The following NHEJ1 variants were observed in gnomAD, a reference collection of about 807,000 sequenced individuals.
NHEJ1 encodes non-homologous end-joining factor 1.
NHEJ1 carries 22 observed loss-of-function variants against 39.4 expected under a neutral mutation model. That is an observed-to-expected ratio of 0.56 (90% CI 0.40 to 0.80). The LOEUF is 0.80. Ranked by LOEUF, NHEJ1 falls within the 30% of genes least tolerant of loss-of-function variation. The probability of loss-of-function intolerance (pLI) is 0.00; values close to 1 mark genes in which losing one functional copy is unlikely to be tolerated. For synonymous variants in NHEJ1, 154 were observed against 135.6 expected, an observed-to-expected ratio of 1.14 and a Z score of -0.94; for missense variants, 329 against 357.1, an observed-to-expected ratio of 0.92 and a Z score of 0.63.
At chr2:219,114,706 C>T (rs1163430458) in intron 5 of NHEJ1, among the ~76,000 whole-genome samples, 2 of 152,154 alleles carry the variant, frequency 1.3e-5, no homozygotes, top group Non-Finnish European at 2.9e-5. Flanking sequence ...GACCAGTGCC[C>T]ATCTAATTCT....
rs1292682614 is a variant in NHEJ1 at position 219,158,188 on chromosome 2, T to C, written c.175A>G (p.Lys59Glu). The C allele has an allele frequency of 6.2e-7, 1 of 1,614,092 alleles. No homozygotes were observed. Among genetic ancestry groups the C allele is most frequent in the African/African-American group, 1.3e-5 (1 of 74,930 alleles). ...GCAGTACTTCTCCTCATACTTACCTTGGCTCGCTGGCTGACCACACTAGTG... is the reference window on the plus strand; with the variant it reads ...GCAGTACTTCTCCTCATACTTACCTCGGCTCGCTGGCTGACCACACTAGTG... ...VDTSVVSQRA[K>E]ELNKRLTAPP... The change falls in exon 2 of 8, where the codon AAG (lysine) becomes GAG (glutamate). Residue 59 changes from lysine (K) to glutamate (E), a missense_variant and splice_region_variant. By Grantham distance (56) the Lys-to-Glu change is moderately conservative (BLOSUM62 1). Coordinates refer to ENST00000356853, the MANE Select transcript of NHEJ1 (RefSeq NM_024782.3).
intron 5 of NHEJ1, among the ~76,000 whole-genome samples, chr2:219,129,897 T>C (rs1170613536): frequency 6.6e-6 from 1 of 152,150 alleles, no homozygotes; most frequent in Admixed American, 6.5e-5. Context: ...ACCAAGATGC[T>C]GTTTTTACTG....
At chr2:219,133,282 G>A (rs891514904) in intron 5 of NHEJ1, among the ~76,000 whole-genome samples, 2 of 152,222 alleles carry the variant, frequency 1.3e-5, no homozygotes, top group African/African-American at 2.4e-5. Flanking sequence ...TTGGGTATAT[G>A]GTTAAAATTA....
In NHEJ1 at chr2:219,076,377, C is replaced by A. The variant is rs751613312; in HGVS notation, c.*4G>T. On this transcript the variant is annotated 3_prime_UTR_variant, in exon 8 of 8. Coordinates refer to ENST00000356853, the MANE Select transcript of NHEJ1 (RefSeq NM_024782.3). The stretch of plus-strand genomic sequence containing the variant: ...CCATCCTCAGCAGCTGAGGCCACAA[C>A]AGATTAACTGAAGAGACCCCTTGGC... 4.2e-5 allele frequency: 68 copies of A among 1,613,938 alleles called. No individual in the cohort carries two copies. The highest frequency in any genetic ancestry group is 5.3e-5 in the Non-Finnish European group (62 of 1,179,974).
Position 219,147,769 on chromosome 2 carries a change from C to A in NHEJ1, c.417G>T (p.Leu139=). The change falls in exon 4 of 8, where the codon CTG becomes CTT. Residue 139 remains leucine (L), a synonymous_variant. Transcript: ENST00000356853. ...SLVSQHLIRP[L]MGMSLALQCQ... ...ACTGTAATGCCAGACTCATGCCCAT[C>A]AGAGGACGAATCAAATGTTGGGAGA... The A allele has an allele frequency of 6.2e-7, 1 of 1,614,158 alleles. No homozygotes were observed. The highest frequency in any genetic ancestry group is 8.5e-7 in the Non-Finnish European group (1 of 1,180,024).
chr2:219,109,224 C>T (rs1949340995), intron 5 of NHEJ1, among the ~76,000 whole-genome samples: 1 of 152,156 alleles, frequency 6.6e-6, no homozygotes. Flanking sequence ...ATTTGGGCAA[C>T]TGGATAATAT....
intron 5 of NHEJ1, among the ~76,000 whole-genome samples, chr2:219,123,563 A>T (rs771666239): frequency 1.3e-5 from 2 of 152,234 alleles, no homozygotes; most frequent in African/African-American, 4.8e-5. Flanking sequence ...ATCTACTTCT[A>T]TGTCACATGA....
chr2:219,130,868 C>T (rs1182530140), intron 5 of NHEJ1, among the ~76,000 whole-genome samples: 3 of 152,044 alleles, frequency 2.0e-5, no homozygotes, highest in Non-Finnish European at 4.4e-5. Context: ...GCAGGAGGAT[C>T]GCTTGAGGCC....
intron 5 of NHEJ1, among the ~76,000 whole-genome samples, chr2:219,090,713 G>A (rs58949768): frequency 0.025 from 3,795 of 152,202 alleles, 165 homozygotes; most frequent in African/African-American, 0.086. Flanking sequence ...CAGACTAACC[G>A]TGAATCAACA....
chr2:219,127,908 T>G (rs1412793858), intron 5 of NHEJ1, among the ~76,000 whole-genome samples: 1 of 152,208 alleles, frequency 6.6e-6, no homozygotes, highest in Non-Finnish European at 1.5e-5. Context: ...CACTGGAAAA[T>G]AAACCTTTAG....
chr2:219,153,015 C>T (rs962558775), intron 3 of NHEJ1, among the ~76,000 whole-genome samples: 7 of 151,960 alleles, frequency 4.6e-5, no homozygotes, highest in African/African-American at 1.7e-4. Context: ...GTTGGCCAGG[C>T]TGGTCTCGAA....
At chr2:219,144,665 T>C (rs114419857) in intron 5 of NHEJ1, among the ~76,000 whole-genome samples, 2,810 of 152,046 alleles carry the variant, frequency 0.018, 77 homozygotes, top group African/African-American at 0.064. Flanking sequence ...AGGCATAAAG[T>C]ACACAGAGAA....
At chr2:219,127,241 A>G (rs1209903200) in intron 5 of NHEJ1, among the ~76,000 whole-genome samples, 1 of 152,196 alleles carries the variant, frequency 6.6e-6, no homozygotes, top group Non-Finnish European at 1.5e-5. Flanking sequence ...CCAGAGGTTC[A>G]GACGTGGCCT....
chr2:219,147,487 CA>C (rs1304640001), intron 4 of NHEJ1, among the ~76,000 whole-genome samples, 169 bp downstream of exon 4: 2 of 152,116 alleles, frequency 1.3e-5, no homozygotes, highest in African/African-American at 4.8e-5. Flanking sequence ...GTCTCCAAAA[CA>C]AACAAACAAA....
intron 3 of NHEJ1, among the ~76,000 whole-genome samples, chr2:219,152,758 T>A (rs1159458720): frequency 6.6e-6 from 1 of 151,814 alleles, no homozygotes; most frequent in Non-Finnish European, 1.5e-5. Flanking sequence ...TGAGCCATCA[T>A]CCCCGGGATC....
At chr2:219,081,072 G>T (rs922721966) in intron 5 of NHEJ1, among the ~76,000 whole-genome samples, 1 of 152,180 alleles carries the variant, frequency 6.6e-6, no homozygotes. Context: ...TCCGGCTGAG[G>T]AACAAGCTCC....
chr2:219,102,939 A>G (rs1193122905), intron 5 of NHEJ1, among the ~76,000 whole-genome samples: 1 of 132,418 alleles, frequency 7.6e-6, no homozygotes, highest in Non-Finnish European at 1.5e-5. Context: ...CGGGAGGCGG[A>G]GCTTGCAGTG....
Position 219,073,208 on chromosome 2 carries a change from A to G in NHEJ1, c.*3173T>C, listed in dbSNP as rs1948979702. Among the ~76,000 whole-genome samples the G allele has an allele frequency of 6.6e-6, 1 of 152,200 alleles. No homozygotes were observed. The highest frequency in any genetic ancestry group is 1.5e-5 in the Non-Finnish European group (1 of 68,040). ...GACTCTTTCCAGTTCAGAGCATAGA[A>G]GCACAGATCTCACTCTTCGCCACCT... On this transcript the variant is annotated 3_prime_UTR_variant, in exon 8 of 8. Coordinates refer to ENST00000356853, the MANE Select transcript of NHEJ1 (RefSeq NM_024782.3).
chr2:219,084,253 C>T (rs923580321), intron 5 of NHEJ1, among the ~76,000 whole-genome samples: 1 of 152,096 alleles, frequency 6.6e-6, no homozygotes, highest in Non-Finnish European at 1.5e-5. Context: ...GTGATCCACC[C>T]GCCTTGGCCT....
Sources: gnomAD v4.1 joint callset for allele counts (sites outside exome capture counted in the v4.1 genomes callset) on GRCh38, gnomAD v4.1.1 for gene constraint, MANE v1.5 for transcripts, NCBI Gene and HGNC (gene_info 2026-07-23, HGNC 2026-07-21) for gene names.